GRID2: variants seen among roughly 807,000 people sequenced by gnomAD.
The protein encoded by GRID2 is glutamate receptor ionotropic, delta-2.
In GRID2, 33 loss-of-function variants were observed where a neutral mutation model predicts 114.8. That is an observed-to-expected ratio of 0.29 (90% confidence interval 0.22 to 0.38). The LOEUF (loss-of-function observed/expected upper bound fraction) is 0.38, where lower values mean the gene tolerates loss of function less well. GRID2 is among the 10% of genes least tolerant of loss of function. The pLI is 1.00. For synonymous variants in GRID2, 505 were observed against 449.9 expected, an observed-to-expected ratio of 1.12 and a Z score of -1.55; for missense variants, 1,184 against 1,257.7, an observed-to-expected ratio of 0.94 and a Z score of 0.89.
intron 8 of GRID2, among the ~76,000 whole-genome samples, chr4:93,360,234 G>A (rs1048805403): frequency 6.6e-6 from 1 of 151,810 alleles, no homozygotes. Context: ...TTATATTAGT[G>A]TTATGTTCCT....
intron 2 of GRID2, among the ~76,000 whole-genome samples, chr4:92,925,595 T>C (rs961151500): frequency 2.0e-5 from 3 of 152,060 alleles, no homozygotes; most frequent in Non-Finnish European, 4.4e-5. Flanking sequence ...CAAATGATTT[T>C]TAAAATAACA....
At chr4:93,592,811 A>G (rs1286854428) in intron 13 of GRID2, among the ~76,000 whole-genome samples, 1 of 152,210 alleles carries the variant, frequency 6.6e-6, no homozygotes, top group Non-Finnish European at 1.5e-5. Context: ...CCATTATGTA[A>G]TGGCCTTCTT....
chr4:93,557,141 C>G (rs537294616), intron 13 of GRID2, among the ~76,000 whole-genome samples: 1 of 152,210 alleles, frequency 6.6e-6, no homozygotes, highest in African/African-American at 2.4e-5. Context: ...AAAAACATAC[C>G]AAATTGTAAA....
intron 4 of GRID2, among the ~76,000 whole-genome samples, chr4:93,113,916 G>A (rs2149354937): frequency 6.6e-6 from 1 of 152,262 alleles, no homozygotes; most frequent in East Asian, 1.9e-4. Flanking sequence ...CAGCAAGAAG[G>A]CAAAGGGCTA....
chr4:92,516,758 G>A (rs1163301553), intron 1 of GRID2, among the ~76,000 whole-genome samples: 1 of 151,858 alleles, frequency 6.6e-6, no homozygotes, highest in African/African-American at 2.4e-5. Flanking sequence ...GCTTCCTGCA[G>A]TGTAAATTCC....
intron 8 of GRID2, among the ~76,000 whole-genome samples, chr4:93,268,348 C>A (rs1751080287): frequency 6.6e-6 from 1 of 152,120 alleles, no homozygotes. Flanking sequence ...TATAGGGACA[C>A]CAATCCTGTT....
intron 1 of GRID2, among the ~76,000 whole-genome samples, chr4:92,497,614 G>T (rs1239626481): frequency 6.6e-6 from 1 of 151,830 alleles, no homozygotes. Context: ...AGAATTTTCT[G>T]AGGAGACACG....
intron 1 of GRID2, among the ~76,000 whole-genome samples, chr4:92,438,335 G>T (rs905451643): frequency 6.6e-6 from 1 of 151,956 alleles, no homozygotes; most frequent in African/African-American, 2.4e-5. Flanking sequence ...AAAATAGGCT[G>T]CCAGGAATCT....
intron 1 of GRID2, among the ~76,000 whole-genome samples, chr4:92,348,829 C>T (rs1727917037): frequency 6.6e-6 from 1 of 151,984 alleles, no homozygotes; most frequent in African/African-American, 2.4e-5. Flanking sequence ...TAAACAAACT[C>T]TGTGGAATTA....
intron 1 of GRID2, among the ~76,000 whole-genome samples, chr4:92,541,257 C>T (rs1247979644): frequency 6.6e-6 from 1 of 151,214 alleles, no homozygotes; most frequent in Non-Finnish European, 1.5e-5. Flanking sequence ...CAAACCTGCA[C>T]ATTGTGCACA....
At chr4:93,783,677 T>A (rs72875992) in intron 1 of GRID2, among the ~76,000 whole-genome samples, 1 of 152,142 alleles carries the variant, frequency 6.6e-6, no homozygotes, top group Non-Finnish European at 1.5e-5. Flanking sequence ...GCACACCCAC[T>A]CATGTCCCTC....
intron 11 of GRID2, among the ~76,000 whole-genome samples, chr4:93,475,547 G>T (rs891062830): frequency 6.6e-6 from 1 of 151,974 alleles, no homozygotes; most frequent in Non-Finnish European, 1.5e-5. Flanking sequence ...CTTACTTTTG[G>T]CTCTTTTATC....
intron 3 of GRID2, among the ~76,000 whole-genome samples, chr4:93,105,095 A>G (rs1276438669): frequency 1.3e-5 from 2 of 152,148 alleles, no homozygotes; most frequent in East Asian, 1.9e-4. Context: ...TTTTGGCTGC[A>G]TAAATGTCTT....
rs116270428 is a variant in GRID2 at position 92,405,576 on chromosome 4, C to T, written c.88+100832C>T. Among the ~76,000 whole-genome samples the T allele has an allele frequency of 7.1e-3, 1,086 of 151,894 alleles. 18 individuals carry two copies. Among genetic ancestry groups the T allele is most frequent in the African/African-American group, 0.025 (1,031 of 41,472 alleles). Reference sequence around the variant, plus strand: ...GTTAAAATCTTTTTATATTTGTTTTCTTAAATTTTCATACAATAATTCATT... The same window carrying T: ...GTTAAAATCTTTTTATATTTGTTTTTTTAAATTTTCATACAATAATTCATT... On this transcript the variant is annotated intron_variant, in intron 1 of 15. Transcript: ENST00000282020.
intron 10 of GRID2, among the ~76,000 whole-genome samples, chr4:93,450,807 A>ATTTTG: frequency 6.6e-6 from 1 of 152,048 alleles, no homozygotes; most frequent in Non-Finnish European, 1.5e-5. Flanking sequence ...GACATATAAT[A>ATTTTG]TTTTGTAATA....
intron 14 of GRID2, among the ~76,000 whole-genome samples, chr4:93,694,063 T>C (rs912379855): frequency 6.6e-6 from 1 of 152,154 alleles, no homozygotes; most frequent in African/African-American, 2.4e-5. Flanking sequence ...GTTTGTACCA[T>C]GACGGAAAAG....
chr4:92,354,186 A>G (rs1579227687), intron 1 of GRID2, among the ~76,000 whole-genome samples: 1 of 152,134 alleles, frequency 6.6e-6, no homozygotes, highest in Non-Finnish European at 1.5e-5. Context: ...AATATCTTCA[A>G]GACTGCTACC....
rs565312187 is a variant in GRID2 at position 92,397,636 on chromosome 4, G to A, written c.88+92892G>A. ...ATGTTACTGTTGCAGCATAGAAGTG[G>A]CATGAAAATACATGGGGTAATAATA... is the stretch of plus-strand genomic sequence containing the variant. On this transcript the variant is annotated intron_variant, in intron 1 of 15. Coordinates refer to ENST00000282020, the MANE Select transcript of GRID2 (RefSeq NM_001510.4). Among the ~76,000 whole-genome samples the A allele has an allele frequency of 1.8e-3, 274 of 152,180 alleles. 1 individual carries two copies. Among genetic ancestry groups the A allele is most frequent in the Non-Finnish European group, 2.4e-3 (160 of 68,002 alleles).
chr4:92,564,832 C>T (rs551570487), intron 1 of GRID2, among the ~76,000 whole-genome samples: 9 of 152,020 alleles, frequency 5.9e-5, no homozygotes, highest in South Asian at 2.1e-4. Context: ...TATATATTTT[C>T]GTGCTACAAG....
Sources: allele counts gnomAD v4.1 joint callset (sites outside exome capture counted in the v4.1 genomes callset), GRCh38; gene constraint gnomAD v4.1.1; transcripts MANE v1.5; gene names NCBI Gene and HGNC (gene_info 2026-07-23, HGNC 2026-07-21).